Variants in CNTN5 observed in about 807,000 individuals in gnomAD.
CNTN5 encodes the protein contactin 5.
Under a neutral mutation model 129.1 loss-of-function variants are expected in CNTN5, and 77 were observed. The observed-to-expected ratio is 0.60, with a 90% CI of 0.50 to 0.72. The LOEUF (loss-of-function observed/expected upper bound fraction) is 0.72, where lower values mean the gene tolerates loss of function less well. Ranked by LOEUF, CNTN5 falls within the 30% of genes least tolerant of loss-of-function variation. The pLI is 0.00. For synonymous variants in CNTN5, 509 were observed against 465.6 expected, an observed-to-expected ratio of 1.09 and a Z score of -1.20; for missense variants, 1,478 against 1,328.8, an observed-to-expected ratio of 1.11 and a Z score of -1.75.
rs1951204179 is a variant in CNTN5, at chr11:100,300,935, TC to T, written c.2620+1540del. On this transcript the variant is annotated intron_variant, in intron 20 of 24. Coordinates refer to ENST00000524871, the MANE Select transcript of CNTN5 (RefSeq NM_014361.4). ...TTAATCTACATTTCAGGAAACTGAG[TC>T]TCAGAGAGGTTAAGTAACATGCTCA... 5.3e-5 allele frequency among the ~76,000 whole-genome samples: 8 copies of T among 151,658 alleles called. No homozygotes were observed. The South Asian group carries it at 1.7e-3, about 31-fold the overall frequency.
intron 9 of CNTN5, among the ~76,000 whole-genome samples, chr11:100,058,355 T>C (rs1459537945): frequency 6.6e-6 from 1 of 152,080 alleles, no homozygotes; most frequent in Non-Finnish European, 1.5e-5. Flanking sequence ...ATAGGAATAT[T>C]CTGGCTTGTT....
At chr11:99,133,778 GA>G (rs1475681800) in intron 1 of CNTN5, among the ~76,000 whole-genome samples, 1 of 152,164 alleles carries the variant, frequency 6.6e-6, no homozygotes, top group Non-Finnish European at 1.5e-5. Flanking sequence ...TGAGGTCGTG[GA>G]GAAATAGGAA....
chr11:99,627,407 G>A (rs2135787192), intron 3 of CNTN5, among the ~76,000 whole-genome samples: 1 of 152,056 alleles, frequency 6.6e-6, no homozygotes, highest in East Asian at 1.9e-4. Context: ...TATCTGATGA[G>A]TAATACCAAA....
At chr11:99,567,347 A>G (rs1192801476) in intron 3 of CNTN5, among the ~76,000 whole-genome samples, 3 of 147,354 alleles carry the variant, frequency 2.0e-5, no homozygotes, top group African/African-American at 4.9e-5. Context: ...GTATTGCTTT[A>G]AAAACAACAA....
intron 9 of CNTN5, among the ~76,000 whole-genome samples, chr11:100,041,554 G>A (rs1173810984): frequency 6.6e-6 from 1 of 152,020 alleles, no homozygotes; most frequent in African/African-American, 2.4e-5. Context: ...GATTCTCCTG[G>A]GTCCTCCCCA....
chr11:99,089,062 C>T (rs1866125601), intron 1 of CNTN5, among the ~76,000 whole-genome samples: 1 of 152,112 alleles, frequency 6.6e-6, no homozygotes, highest in Admixed American at 6.6e-5. Flanking sequence ...GGACATTAGC[C>T]TTAAACTGAT....
intron 1 of CNTN5, among the ~76,000 whole-genome samples, chr11:99,070,571 T>G (rs573042445): frequency 7.2e-4 from 110 of 152,108 alleles, no homozygotes; most frequent in African/African-American, 2.6e-3. Context: ...ACAAATATAC[T>G]TTTACAATAA....
At chr11:99,441,045 C>G (rs113067730) in intron 2 of CNTN5, among the ~76,000 whole-genome samples, 1 of 152,026 alleles carries the variant, frequency 6.6e-6, no homozygotes, top group Non-Finnish European at 1.5e-5. Context: ...GTCTGAAACA[C>G]ATAGCCTCAA....
intron 6 of CNTN5, among the ~76,000 whole-genome samples, chr11:99,896,757 A>AGG (rs1450019177): frequency 2.0e-5 from 3 of 152,144 alleles, no homozygotes; most frequent in African/African-American, 7.2e-5. Context: ...CTTGTGTGGG[A>AGG]GGGAGGTTCA....
chr11:99,589,561 T>C (rs1252856598), intron 3 of CNTN5, among the ~76,000 whole-genome samples: 2 of 152,230 alleles, frequency 1.3e-5, no homozygotes, highest in Non-Finnish European at 2.9e-5. Context: ...ATATGTTTTC[T>C]ATAGTGAATA....
chr11:99,521,596 G>T (rs1947278289), intron 2 of CNTN5, among the ~76,000 whole-genome samples: 2 of 152,146 alleles, frequency 1.3e-5, no homozygotes, highest in Non-Finnish European at 2.9e-5. Flanking sequence ...AGGACACTTT[G>T]TAAATAAAGT....
At chr11:100,110,666 A>C (rs1380588249) in intron 13 of CNTN5, among the ~76,000 whole-genome samples, 1 of 152,222 alleles carries the variant, frequency 6.6e-6, no homozygotes, top group Admixed American at 6.5e-5. Context: ...AAAATAACTT[A>C]TATTTGCTTA....
At chr11:99,691,988 T>C (rs1954058212) in intron 3 of CNTN5, among the ~76,000 whole-genome samples, 1 of 152,194 alleles carries the variant, frequency 6.6e-6, no homozygotes, top group African/African-American at 2.4e-5. Context: ...CCCTTTACCA[T>C]TTGTAATGCC....
chr11:100,145,385 T>A (rs1189848767), intron 13 of CNTN5, among the ~76,000 whole-genome samples: 2 of 152,178 alleles, frequency 1.3e-5, no homozygotes, highest in Non-Finnish European at 2.9e-5. Context: ...ACCCATTTGC[T>A]GCTCATTGAT....
chr11:99,597,983 A>G (rs1424438533), intron 3 of CNTN5, among the ~76,000 whole-genome samples: 10 of 151,936 alleles, frequency 6.6e-5, no homozygotes, highest in Non-Finnish European at 7.4e-5. Context: ...CCTCATTGAC[A>G]CCTTCCTTCT....
At chr11:99,837,579 C>G (rs1328188915) in intron 4 of CNTN5, among the ~76,000 whole-genome samples, 1 of 150,958 alleles carries the variant, frequency 6.6e-6, no homozygotes, top group Non-Finnish European at 1.5e-5. Context: ...AACTAAGTCA[C>G]ATGGCCCCAT....
chr11:99,292,293 C>T (rs928247739), intron 1 of CNTN5, among the ~76,000 whole-genome samples: 1 of 151,200 alleles, frequency 6.6e-6, no homozygotes, highest in Non-Finnish European at 1.5e-5. Context: ...TTAATAGTCC[C>T]TTGAAAGGTA....
intron 1 of CNTN5, among the ~76,000 whole-genome samples, chr11:99,276,084 T>G (rs1157879533): frequency 6.6e-6 from 1 of 151,640 alleles, no homozygotes; most frequent in East Asian, 1.9e-4. Flanking sequence ...AAAAAACTGC[T>G]CTCACAAGTT....
chr11:99,939,528 C>A (rs1358854033), intron 7 of CNTN5, among the ~76,000 whole-genome samples: 1 of 151,970 alleles, frequency 6.6e-6, no homozygotes, highest in Non-Finnish European at 1.5e-5. Flanking sequence ...TTAATGCAAA[C>A]TTTTTTCTAC....
Sources: allele counts gnomAD v4.1 joint callset (sites outside exome capture counted in the v4.1 genomes callset), GRCh38; gene constraint gnomAD v4.1.1; transcripts MANE v1.5; gene names NCBI Gene and HGNC (gene_info 2026-07-23, HGNC 2026-07-21).